LRP1B: variants seen among roughly 807,000 people sequenced by gnomAD.
LRP1B encodes the protein LDL receptor related protein 1B.
In LRP1B, 217 loss-of-function variants were observed where a neutral mutation model predicts 556.6. The observed-to-expected ratio is 0.39, with a 90% CI of 0.35 to 0.44. The LOEUF (loss-of-function observed/expected upper bound fraction) is 0.44. LRP1B is among the 20% of genes least tolerant of loss of function. LRP1B has a pLI of 1.00. For synonymous variants in LRP1B, 2,047 were observed against 1,865.8 expected, an observed-to-expected ratio of 1.10 and a Z score of -2.50; for missense variants, 5,053 against 5,620.8, an observed-to-expected ratio of 0.90 and a Z score of 3.23.
At chr2:142,031,330 A>ATTTTTTT (rs560363480) in intron 1 of LRP1B, among the ~76,000 whole-genome samples, 3,835 of 116,756 alleles carry the variant, frequency 0.033, 311 homozygotes, top group East Asian at 0.088. Flanking sequence ...GATTATACTT[A>ATTTTTTT]TTTTTTTTTT....
chr2:140,238,324 G>T, intron 88 of LRP1B, 28 bp from the exon 89 acceptor site: 1 of 1,254,814 alleles, frequency 8.0e-7, no homozygotes, highest in East Asian at 2.5e-5. Context: ...TAATATGTGT[G>T]AGTTTTGTAT....
intron 1 of LRP1B, among the ~76,000 whole-genome samples, chr2:142,016,998 A>G (rs1703169070): frequency 1.3e-5 from 2 of 151,294 alleles, no homozygotes; most frequent in South Asian, 2.1e-4. Flanking sequence ...GTGTGTGTGT[A>G]TATATATATG....
At chr2:140,526,446 T>C in intron 47 of LRP1B, 96 bp from the exon 48 acceptor site, 1 of 890,328 alleles carries the variant, frequency 1.1e-6, no homozygotes, top group Admixed American at 2.3e-5. Context: ...ATAATTTTGT[T>C]TGGTTTTGCT....
chr2:141,878,718 G>A (rs2104888915), intron 1 of LRP1B, among the ~76,000 whole-genome samples: 1 of 152,064 alleles, frequency 6.6e-6, no homozygotes, highest in Non-Finnish European at 1.5e-5. Flanking sequence ...TTTAATGGTA[G>A]GGAAAAGTCA....
chr2:141,886,982 GTTTT>G (rs1699141424), intron 1 of LRP1B, among the ~76,000 whole-genome samples: 1 of 96,734 alleles, frequency 1.0e-5, no homozygotes, highest in East Asian at 3.1e-4. Flanking sequence ...TTTTTTTTGG[GTTTT>G]TTGTTTGTTT....
In LRP1B at chr2:140,620,173, A is replaced by G. The variant is rs544609899; in HGVS notation, c.6800-18534T>C. Among the ~76,000 whole-genome samples, 5 of 152,322 alleles carry G rather than the reference A, an allele frequency of 3.3e-5. No individual in the cohort carries two copies. The East Asian group carries it at 9.7e-4, about 29-fold the overall frequency. The stretch of plus-strand genomic sequence containing the variant: ...TTCTGAGAAAATTATGAATTTTAAT[A>G]AAGACAGAAAAGTTAGCCTGTCACA... On this transcript the variant is annotated intron_variant, in intron 41 of 90. Coordinates refer to ENST00000389484, the MANE Select transcript of LRP1B (RefSeq NM_018557.3).
At chr2:141,051,698 TAA>T (rs959871652) in intron 10 of LRP1B, among the ~76,000 whole-genome samples, 6 of 152,132 alleles carry the variant, frequency 3.9e-5, no homozygotes, top group Admixed American at 1.3e-4. Flanking sequence ...TTTAAATTTT[TAA>T]AAGAGTTTTA....
At chr2:140,815,208 A>G (rs1440548767) in intron 31 of LRP1B, among the ~76,000 whole-genome samples, 2 of 152,266 alleles carry the variant, frequency 1.3e-5, no homozygotes, top group African/African-American at 2.4e-5. Flanking sequence ...ATTCAAGTGC[A>G]CTGAGAAAAG....
chr2:141,071,850 A>G (rs991041169), intron 7 of LRP1B, among the ~76,000 whole-genome samples: 5 of 152,184 alleles, frequency 3.3e-5, no homozygotes, highest in Non-Finnish European at 5.9e-5. Flanking sequence ...CGATGAAATA[A>G]AAGAGTATAC....
intron 34 of LRP1B, 58 bp downstream of exon 34, chr2:140,770,823 G>A (rs984243629): frequency 4.6e-5 from 66 of 1,431,164 alleles, no homozygotes; most frequent in Non-Finnish European, 5.8e-5. Flanking sequence ...CATCTGCATG[G>A]TATGTAATGA....
intron 43 of LRP1B, among the ~76,000 whole-genome samples, chr2:140,585,681 T>C (rs1307232622): frequency 1.3e-5 from 2 of 152,192 alleles, no homozygotes; most frequent in Admixed American, 6.5e-5. Context: ...TTTAGTTTTC[T>C]TTTCACTTAT....
At chr2:141,178,319 G>A (rs1301981293) in intron 7 of LRP1B, among the ~76,000 whole-genome samples, 2 of 152,062 alleles carry the variant, frequency 1.3e-5, no homozygotes, top group African/African-American at 4.8e-5. Flanking sequence ...GTGACTTCTC[G>A]ATCGCCAGAG....
chr2:141,370,441 T>C (rs944905661), intron 3 of LRP1B, among the ~76,000 whole-genome samples: 6 of 152,206 alleles, frequency 3.9e-5, no homozygotes, highest in Non-Finnish European at 7.4e-5. Flanking sequence ...GGCCATTTGT[T>C]TGTCTTCTTT....
chr2:141,546,694 G>A (rs1685565849), intron 2 of LRP1B, among the ~76,000 whole-genome samples: 1 of 152,086 alleles, frequency 6.6e-6, no homozygotes, highest in Non-Finnish European at 1.5e-5. Flanking sequence ...TTTTACTTTT[G>A]AAAATGAGCA....
intron 86 of LRP1B, among the ~76,000 whole-genome samples, chr2:140,264,231 GGTTT>G (rs71949163): frequency 0.037 from 5,684 of 151,970 alleles, 361 homozygotes; most frequent in African/African-American, 0.13. Context: ...TTGTTTTTTT[GGTTT>G]GTTTATTTTT....
chr2:140,300,577 A>C (rs1683780115), intron 83 of LRP1B, among the ~76,000 whole-genome samples: 3 of 152,190 alleles, frequency 2.0e-5, no homozygotes, highest in Admixed American at 2.0e-4. Flanking sequence ...TTAGGAAAGA[A>C]GGGGAGGCTC....
chr2:141,708,861 A>G (rs1175676493), intron 2 of LRP1B, among the ~76,000 whole-genome samples: 1 of 152,160 alleles, frequency 6.6e-6, no homozygotes, highest in African/African-American at 2.4e-5. Context: ...AGCAGCAGCC[A>G]TCTGCAAGCC....
intron 2 of LRP1B, among the ~76,000 whole-genome samples, chr2:141,684,523 C>A (rs893175438): frequency 6.6e-6 from 1 of 151,752 alleles, no homozygotes; most frequent in Non-Finnish European, 1.5e-5. Flanking sequence ...TTGATGGGTG[C>A]AGCAAACCAC....
rs1159095150 is a variant in LRP1B at position 141,170,049 on chromosome 2, T to C, written c.1013+18372A>G. Among the ~76,000 whole-genome samples, 3 of 152,150 alleles carry C rather than the reference T, an allele frequency of 2.0e-5. No homozygotes were observed. The East Asian group carries it at 5.8e-4, about 30-fold the overall frequency. On this transcript the variant is annotated intron_variant, in intron 7 of 90. Transcript: ENST00000389484. ...TGCTTTTGAAAATCTCCTATGTTCTTATAAAAAGGCATGAGGACTAAGTTA... is the reference window on the plus strand; with the variant it reads ...TGCTTTTGAAAATCTCCTATGTTCTCATAAAAAGGCATGAGGACTAAGTTA...
Sources: allele counts gnomAD v4.1 joint callset (sites outside exome capture counted in the v4.1 genomes callset), GRCh38; gene constraint gnomAD v4.1.1; transcripts MANE v1.5; gene names NCBI Gene and HGNC (gene_info 2026-07-23, HGNC 2026-07-21).